Variants in DGKD observed in about 807,000 individuals in gnomAD.
DGKD encodes the protein DAG kinase delta.
A neutral mutation model predicts 154.4 loss-of-function variants in DGKD; 68 were observed. That is an observed-to-expected ratio of 0.44 (90% CI 0.36 to 0.54). The LOEUF (loss-of-function observed/expected upper bound fraction) is 0.54. DGKD is among the 20% of genes least tolerant of loss of function. The pLI, the probability that DGKD is intolerant of heterozygous loss-of-function variation, is 0.00. For missense variants in DGKD, 1,343 were observed against 1,593.6 expected, an observed-to-expected ratio of 0.84 and a Z score of 2.68; for synonymous variants, 693 against 638.0, an observed-to-expected ratio of 1.09 and a Z score of -1.30.
chr2:233,357,663 A>T (rs1207461108), intron 1 of DGKD, among the ~76,000 whole-genome samples: 3 of 151,678 alleles, frequency 2.0e-5, no homozygotes, highest in African/African-American at 7.3e-5. Flanking sequence ...CAGCCTCCCA[A>T]GTAGCTGGGA....
Position 233,434,461 on chromosome 2 carries a change from G to T in DGKD, c.430G>T (p.Val144Leu). The change falls in exon 4 of 30, where the codon GTG becomes TTG. Residue 144 changes from valine (V) to leucine (L), a missense_variant. By Grantham distance (32) the Val-to-Leu change is conservative. Around this residue, in one of 6 missense-constraint regions of DGKD, gnomAD observed 332 missense variants for 400.1 expected, o/e 0.83. Coordinates refer to ENST00000264057, the MANE Select transcript of DGKD (RefSeq NM_152879.3). ...AGATTGGATTGCAGCATTAAAGACT[G>T]TGCAGAACAGGGAGCACTTTGAGGT... is the stretch of plus-strand genomic sequence containing the variant. ...MEDWIAALKT[V>L]QNREHFEPTQ... The T allele has an allele frequency of 6.2e-7, 1 of 1,614,130 alleles. No homozygotes were observed. The highest frequency in any genetic ancestry group is 1.3e-5 in the African/African-American group (1 of 75,056).
chr2:233,376,933 A>G (rs1286544099), intron 1 of DGKD, among the ~76,000 whole-genome samples: 2 of 152,000 alleles, frequency 1.3e-5, no homozygotes, highest in Non-Finnish European at 2.9e-5. Flanking sequence ...CCCTTTCCCT[A>G]GAGGTAACCA....
intron 3 of DGKD, among the ~76,000 whole-genome samples, chr2:233,429,875 G>A (rs13403169): frequency 0.12 from 18,217 of 152,266 alleles, 1,293 homozygotes; most frequent in African/African-American, 0.21. Flanking sequence ...AAGAAGAAGC[G>A]AACCATGCAG....
chr2:233,369,050 T>TTAA (rs1240825123), intron 1 of DGKD, among the ~76,000 whole-genome samples: 1 of 152,148 alleles, frequency 6.6e-6, no homozygotes, highest in African/African-American at 2.4e-5. Context: ...TTGGCTTAGG[T>TTAA]TTAGGGTTGT....
At chr2:233,380,696 C>T (rs1369805216) in intron 1 of DGKD, among the ~76,000 whole-genome samples, 1 of 152,032 alleles carries the variant, frequency 6.6e-6, no homozygotes, top group East Asian at 1.9e-4. Flanking sequence ...GTGTTAACAC[C>T]ACATACCGCA....
chr2:233,462,719 C>A lies in DGKD; in HGVS notation c.3170C>A (p.Ser1057Tyr). ...CGCAGTGAGACGGAGCTGCTGCTGT[C>A]TGGGAAGATGGCCCTGGTAAGCTGG... ...ALRSETELLL[S>Y]GKMALQLDPP... Residue 1057 changes from serine (S) to tyrosine (Y), a missense_variant, in exon 26 of 30, where the codon TCT (serine) becomes TAT (tyrosine). By Grantham distance (144) the Ser-to-Tyr change is moderately radical. This residue lies in a region of DGKD where 429 missense variants were observed against 496.3 expected (regional missense o/e 0.86). Coordinates refer to ENST00000264057, the MANE Select transcript of DGKD (RefSeq NM_152879.3). 1 of 1,613,856 alleles carries A rather than the reference C, an allele frequency of 6.2e-7. No individual in the cohort carries two copies. The highest frequency in any genetic ancestry group is 8.5e-7 in the Non-Finnish European group (1 of 1,180,002).
chr2:233,382,940 T>C (rs1702974872), intron 1 of DGKD, among the ~76,000 whole-genome samples: 1 of 152,178 alleles, frequency 6.6e-6, no homozygotes, highest in Non-Finnish European at 1.5e-5. Flanking sequence ...TCCATTTGAC[T>C]TACTCTTCTG....
At chr2:233,424,035 C>G (rs968067117) in intron 3 of DGKD, among the ~76,000 whole-genome samples, 1 of 152,112 alleles carries the variant, frequency 6.6e-6, no homozygotes, top group African/African-American at 2.4e-5. Context: ...AAGTACCTCC[C>G]TGTCATCTGA....
chr2:233,448,008 G>C, intron 12 of DGKD, 79 bp from the exon 13 acceptor site: 1 of 1,595,302 alleles, frequency 6.3e-7, no homozygotes, highest in East Asian at 2.2e-5. Context: ...GCAAGGAAGT[G>C]GCTGACAGAG....
At chr2:233,454,928 T>C (rs1408631369) in intron 19 of DGKD, 55 bp downstream of exon 19, 2 of 1,124,592 alleles carry the variant, frequency 1.8e-6, no homozygotes, top group Non-Finnish European at 2.7e-6. Context: ...GGCTTCTCCT[T>C]CCAGACAGTA....
chr2:233,435,204 A>T (rs1209392220), intron 5 of DGKD, among the ~76,000 whole-genome samples: 1 of 152,218 alleles, frequency 6.6e-6, no homozygotes, highest in African/African-American at 2.4e-5. Flanking sequence ...CCTGTGTCTC[A>T]CACTCTGCAG....
At chr2:233,400,265 C>T (rs1575046872) in intron 3 of DGKD, among the ~76,000 whole-genome samples, 1 of 152,238 alleles carries the variant, frequency 6.6e-6, no homozygotes, top group East Asian at 1.9e-4. Context: ...CCGAAGTGGG[C>T]GTGGGTGCTC....
At chr2:233,453,718 G>A (rs193027653) in intron 18 of DGKD, among the ~76,000 whole-genome samples, 269 of 152,334 alleles carry the variant, frequency 1.8e-3, no homozygotes, top group African/African-American at 6.2e-3. Flanking sequence ...TTGCCCTCGG[G>A]GGGAAACCCC....
At chr2:233,392,214 G>A (rs1703670199) in intron 3 of DGKD, 1 of 152,118 alleles carries the variant, frequency 6.6e-6, no homozygotes, top group African/African-American at 2.4e-5. Flanking sequence ...TAGTAGAGAT[G>A]GGGTTTCACC....
At chr2:233,407,658 T>C (rs146352685) in intron 3 of DGKD, among the ~76,000 whole-genome samples, 1,557 of 152,266 alleles carry the variant, frequency 0.01, 32 homozygotes, top group African/African-American at 0.035. Context: ...TCCCAGCTAC[T>C]TGGGAGGCTG....
intron 10 of DGKD, among the ~76,000 whole-genome samples, chr2:233,444,663 T>C (rs1444436813): frequency 6.8e-6 from 1 of 146,430 alleles, no homozygotes; most frequent in Non-Finnish European, 1.5e-5. Flanking sequence ...GTGTGTCGGC[T>C]CCGGTGTCCT....
chr2:233,382,694 A>T (rs181558137), intron 1 of DGKD, among the ~76,000 whole-genome samples: 227 of 151,484 alleles, frequency 1.5e-3, no homozygotes, highest in Middle Eastern at 3.4e-3. Flanking sequence ...GGAAATCCTC[A>T]CTCCTTACAT....
intron 1 of DGKD, among the ~76,000 whole-genome samples, chr2:233,362,726 G>C (rs1426155818): frequency 6.6e-6 from 1 of 152,160 alleles, no homozygotes; most frequent in Non-Finnish European, 1.5e-5. Context: ...GAACAGATTC[G>C]ATAGCCGTAT....
At chr2:233,386,015 G>C (rs748494886) in intron 1 of DGKD, 3 of 470,596 alleles carry the variant, frequency 6.4e-6, no homozygotes, top group Admixed American at 2.3e-5. Flanking sequence ...GTGTGTGTAA[G>C]TATGTGGTGC....
Sources: allele counts gnomAD v4.1 joint callset (sites outside exome capture counted in the v4.1 genomes callset), GRCh38; gene constraint gnomAD v4.1.1; regional missense constraint gnomAD v4.1.1; transcripts MANE v1.5; gene names NCBI Gene and HGNC (gene_info 2026-07-23, HGNC 2026-07-21).